KIF13B: variants seen among roughly 807,000 people sequenced by gnomAD.
KIF13B encodes kinesin family member 13B, also known as kinesin-like protein KIF13B.
Under a neutral mutation model 222.0 loss-of-function variants are expected in KIF13B, and 127 were observed. The observed-to-expected ratio is 0.57, with a 90% CI of 0.50 to 0.66. The LOEUF (loss-of-function observed/expected upper bound fraction) is 0.66, where lower values mean the gene tolerates loss of function less well. Among genes scored for constraint, KIF13B ranks in the 30% least tolerant of loss-of-function variants. The pLI, the probability that KIF13B is intolerant of heterozygous loss-of-function variation, is 0.00. For synonymous variants in KIF13B, 976 were observed against 919.0 expected (o/e 1.06, Z -1.12); for missense variants, 2,173 against 2,379.0 (o/e 0.91, Z 1.80).
intron 18 of KIF13B, among the ~76,000 whole-genome samples, chr8:29,143,875 G>A (rs998136061): frequency 6.6e-6 from 1 of 151,808 alleles, no homozygotes; most frequent in African/African-American, 2.4e-5. Flanking sequence ...TTAAAAAAAA[G>A]TAATGTTCTA....
At chr8:29,105,564 G>A (rs1395997385) in intron 35 of KIF13B, among the ~76,000 whole-genome samples, 8 of 151,842 alleles carry the variant, frequency 5.3e-5, no homozygotes, top group African/African-American at 1.9e-4. Context: ...GTGCACGTGA[G>A]GGACAGTACT....
chr8:29,168,822 C>T (rs539514112), intron 10 of KIF13B, among the ~76,000 whole-genome samples: 117 of 152,310 alleles, frequency 7.7e-4, no homozygotes, highest in African/African-American at 2.7e-3. Context: ...GAGTCCTGAC[C>T]TATGGAAACC....
At chr8:29,262,901 C>A in intron 1 of KIF13B, 79 bp downstream of exon 1, 4 of 1,183,348 alleles carry the variant, frequency 3.4e-6, no homozygotes, top group Non-Finnish European at 3.5e-6. Context: ...GCCGCCGGAC[C>A]CCCCACGGCG....
chr8:29,231,450 G>A (rs989507198), intron 2 of KIF13B, among the ~76,000 whole-genome samples: 3 of 152,218 alleles, frequency 2.0e-5, no homozygotes, highest in Non-Finnish European at 2.9e-5. Flanking sequence ...GGTGGCAAGT[G>A]TGGCCATGAC....
At chr8:29,247,891 T>G (rs1260129084) in intron 1 of KIF13B, among the ~76,000 whole-genome samples, 1 of 139,876 alleles carries the variant, frequency 7.1e-6, no homozygotes, top group Admixed American at 7.1e-5. Context: ...AGGCAAAGGA[T>G]CTGAATATAC....
chr8:29,092,766 C>T lies in KIF13B; in HGVS notation c.4437G>A (p.Arg1479=). Residue 1479 remains arginine, a synonymous_variant, in exon 37 of 40, where the codon CGG becomes CGA. Transcript: ENST00000524189. ...FPVRDEKRGK[R]PSPLAHQPVP... ...TTACCTGGTGTGCGAGGGGAGACGG[C>T]CGCTTGCCCCTCTTCTCATCGCGGA... 2 of 1,612,730 alleles carry T rather than the reference C, an allele frequency of 1.2e-6. No homozygotes were observed. The highest frequency in any genetic ancestry group is 2.7e-5 in the African/African-American group (2 of 74,946).
At chr8:29,144,924 C>A (rs1312262519) in intron 18 of KIF13B, among the ~76,000 whole-genome samples, 1 of 152,220 alleles carries the variant, frequency 6.6e-6, no homozygotes, top group Non-Finnish European at 1.5e-5. Context: ...AGAGCCACAC[C>A]TTTCAACAAA....
chr8:29,114,884 G>A (rs560947141), intron 31 of KIF13B, among the ~76,000 whole-genome samples: 36 of 152,258 alleles, frequency 2.4e-4, no homozygotes, highest in African/African-American at 8.4e-4. Context: ...GTCTAATTCC[G>A]AAATGGAAAA....
intron 3 of KIF13B, among the ~76,000 whole-genome samples, chr8:29,194,051 C>A (rs1313823606): frequency 6.6e-6 from 1 of 151,080 alleles, no homozygotes; most frequent in Non-Finnish European, 1.5e-5. Context: ...GTCTCAATCT[C>A]CTGGCCTCAT....
chr8:29,169,815 A>G (rs1296763180), intron 10 of KIF13B, among the ~76,000 whole-genome samples: 1 of 152,238 alleles, frequency 6.6e-6, no homozygotes, highest in Non-Finnish European at 1.5e-5. Context: ...AAGCACAGGA[A>G]TTCAATCTCA....
Position 29,193,017 on chromosome 8 carries a change from C to T in KIF13B, c.163-1960G>A, listed in dbSNP as rs184135713. On this transcript the variant is annotated intron_variant, in intron 3 of 39. Transcript: ENST00000524189. ...GCAACTAAAGGGGGAGGCAGATAAC[C>T]CTGGCAGCAACCGAGAGGACGACTG... Among the ~76,000 whole-genome samples, 235 of 152,174 alleles carry T rather than the reference C, an allele frequency of 1.5e-3. 3 individuals carry two copies. Among genetic ancestry groups the T allele is most frequent in the Non-Finnish European group, 7.9e-4 (54 of 67,994 alleles).
chr8:29,219,828 C>T (rs1814661552), intron 2 of KIF13B, among the ~76,000 whole-genome samples: 1 of 151,602 alleles, frequency 6.6e-6, no homozygotes, highest in Non-Finnish European at 1.5e-5. Flanking sequence ...TGTGGGAGGC[C>T]AAGGCAGGCA....
At chr8:29,215,975 T>C (rs1020405132) in intron 2 of KIF13B, among the ~76,000 whole-genome samples, 2 of 152,184 alleles carry the variant, frequency 1.3e-5, no homozygotes, top group African/African-American at 4.8e-5. Flanking sequence ...GGTGTGTATG[T>C]AGATAAACAG....
intron 10 of KIF13B, among the ~76,000 whole-genome samples, chr8:29,168,993 G>A (rs1812125116): frequency 6.6e-6 from 1 of 152,164 alleles, no homozygotes; most frequent in Non-Finnish European, 1.5e-5. Context: ...GAATGTCACT[G>A]AATGACAGAC....
intron 18 of KIF13B, among the ~76,000 whole-genome samples, chr8:29,142,836 A>T (rs2129948239): frequency 6.6e-6 from 1 of 152,074 alleles, no homozygotes; most frequent in African/African-American, 2.4e-5. Flanking sequence ...GAGACTCTCA[A>T]AAATAAATAA....
chr8:29,209,885 CAA>C (rs11414197), intron 2 of KIF13B, among the ~76,000 whole-genome samples: 33 of 107,484 alleles, frequency 3.1e-4, no homozygotes, highest in African/African-American at 1.1e-3. Context: ...TACCTCTCCA[CAA>C]AAAAAAAAAA....
chr8:29,137,777 G>C (rs139457017), intron 21 of KIF13B, among the ~76,000 whole-genome samples: 9 of 152,252 alleles, frequency 5.9e-5, no homozygotes, highest in African/African-American at 1.9e-4. Flanking sequence ...TCCAGGTCTG[G>C]GACAGGAAAT....
intron 38 of KIF13B, among the ~76,000 whole-genome samples, chr8:29,073,526 G>C (rs1285921043): frequency 1.3e-5 from 2 of 152,206 alleles, no homozygotes; most frequent in Non-Finnish European, 2.9e-5. Flanking sequence ...AGTGACCGAA[G>C]AAAAGGAGAA....
chr8:29,218,002 T>G (rs558367391), intron 2 of KIF13B, among the ~76,000 whole-genome samples: 1 of 152,350 alleles, frequency 6.6e-6, no homozygotes, highest in Admixed American at 6.5e-5. Context: ...TGATTCCCCT[T>G]TGAACATCTT....
Sources: allele counts gnomAD v4.1 joint callset (sites outside exome capture counted in the v4.1 genomes callset), GRCh38; gene constraint gnomAD v4.1.1; transcripts MANE v1.5; gene names NCBI Gene and HGNC (gene_info 2026-07-23, HGNC 2026-07-21).